CAPZB: variants seen among roughly 807,000 people sequenced by gnomAD.
CAPZB encodes the protein capping actin protein of muscle Z-line subunit beta, also known as F-actin-capping protein subunit beta.
CAPZB carries 2 observed loss-of-function variants against 38.1 expected under a neutral mutation model. That is an observed-to-expected ratio of 0.05 (90% CI 0.02 to 0.17). The LOEUF is 0.17. CAPZB is among the 10% of genes least tolerant of loss of function. CAPZB has a pLI of 1.00. For synonymous variants in CAPZB, 107 were observed against 127.4 expected (o/e 0.84, Z 1.08); for missense variants, 161 against 334.2 (o/e 0.48, Z 4.04).
intron 1 of CAPZB, among the ~76,000 whole-genome samples, chr1:19,452,793 C>CTTTTTTT (rs34430556): frequency 3.4e-5 from 4 of 118,430 alleles, no homozygotes; most frequent in Non-Finnish European, 6.9e-5. Flanking sequence ...TAATTTCTTT[C>CTTTTTTT]TTTTTTTTTT....
At chr1:19,378,739 T>C in intron 3 of CAPZB, 86 bp from the exon 4 acceptor site, 1 of 748,680 alleles carries the variant, frequency 1.3e-6, no homozygotes, top group Non-Finnish European at 2.3e-6. Context: ...CCTGGCTATC[T>C]GAAATCTCGG....
At chr1:19,440,870 C>T (rs928223244) in intron 1 of CAPZB, among the ~76,000 whole-genome samples, 4 of 152,280 alleles carry the variant, frequency 2.6e-5, no homozygotes, top group Admixed American at 1.3e-4. Context: ...ACCACCTTGG[C>T]TAACATGGTG....
At chr1:19,373,209 G>T (rs1017211139) in intron 4 of CAPZB, among the ~76,000 whole-genome samples, 2 of 152,116 alleles carry the variant, frequency 1.3e-5, no homozygotes, top group African/African-American at 4.8e-5. Context: ...GGACTTCAGA[G>T]GGAGCCGTGA....
chr1:19,349,793 G>C (rs955007474), intron 6 of CAPZB, among the ~76,000 whole-genome samples: 1 of 152,062 alleles, frequency 6.6e-6, no homozygotes, highest in Non-Finnish European at 1.5e-5. Flanking sequence ...AAGGAGAAAG[G>C]TGCTTGGGGA....
chr1:19,366,222 G>T (rs1442499019), intron 4 of CAPZB, among the ~76,000 whole-genome samples: 1 of 149,462 alleles, frequency 6.7e-6, no homozygotes, highest in Non-Finnish European at 1.5e-5. Context: ...CAAGGTGGGG[G>T]GATCACTTGA....
At chr1:19,361,242 C>T (rs214303) in intron 4 of CAPZB, among the ~76,000 whole-genome samples, 68,953 of 152,106 alleles carry the variant, frequency 0.45, 15,905 homozygotes, top group East Asian at 0.56. Context: ...TCTCTCACTT[C>T]GAATCTGTTC....
intron 1 of CAPZB, among the ~76,000 whole-genome samples, chr1:19,483,148 C>G (rs1352568560): frequency 6.6e-6 from 1 of 152,206 alleles, no homozygotes; most frequent in Non-Finnish European, 1.5e-5. Flanking sequence ...CACCATACAG[C>G]TATTTCACTA....
At chr1:19,449,181 T>C in intron 1 of CAPZB, 1 of 1,255,280 alleles carries the variant, frequency 8.0e-7, no homozygotes, top group Non-Finnish European at 1.0e-6. Flanking sequence ...CACTGCGGTG[T>C]CTCTGAGCAG....
At chr1:19,352,766 C>T (rs1415510651) in intron 6 of CAPZB, among the ~76,000 whole-genome samples, 1 of 152,236 alleles carries the variant, frequency 6.6e-6, no homozygotes, top group African/African-American at 2.4e-5. Flanking sequence ...CAGTTGACGT[C>T]CCTGAGAAAC....
intron 2 of CAPZB, among the ~76,000 whole-genome samples, chr1:19,416,860 CAAAAAAAAAAA>C (rs59789230): frequency 4.2e-4 from 29 of 69,438 alleles, no homozygotes; most frequent in Admixed American, 5.5e-4. Context: ...GACCCTGTCT[CAAAAAAAAAAA>C]AAAAAAAAAA....
At chr1:19,388,794 G>C (rs2094216974) in intron 2 of CAPZB, among the ~76,000 whole-genome samples, 1 of 152,252 alleles carries the variant, frequency 6.6e-6, no homozygotes. Context: ...AAACACAGTA[G>C]ATGAGCTGCA....
chr1:19,411,076 G>T (rs952161805), intron 2 of CAPZB, among the ~76,000 whole-genome samples: 2 of 152,162 alleles, frequency 1.3e-5, no homozygotes, highest in African/African-American at 2.4e-5. Context: ...AGGCACAGTG[G>T]CTCACACCTA....
intron 2 of CAPZB, among the ~76,000 whole-genome samples, chr1:19,406,463 C>A (rs1570163774): frequency 6.6e-6 from 1 of 152,170 alleles, no homozygotes; most frequent in South Asian, 2.1e-4. Flanking sequence ...ACTACGGAGA[C>A]TGAGTAACTT....
chr1:19,415,854 A>C (rs1161038178), intron 2 of CAPZB, among the ~76,000 whole-genome samples: 1 of 152,270 alleles, frequency 6.6e-6, no homozygotes, highest in Non-Finnish European at 1.5e-5. Flanking sequence ...ATGTCAATAT[A>C]GTTTTAATGA....
At chr1:19,388,436 C>T (rs1414757779) in intron 2 of CAPZB, among the ~76,000 whole-genome samples, 2 of 152,044 alleles carry the variant, frequency 1.3e-5, no homozygotes, top group African/African-American at 4.8e-5. Flanking sequence ...CAACACGGAG[C>T]CTCCCAAACT....
At chr1:19,381,684 ATTTTTTTTTTT>A (rs869210528) in intron 3 of CAPZB, among the ~76,000 whole-genome samples, 5 of 84,532 alleles carry the variant, frequency 5.9e-5, no homozygotes, top group South Asian at 4.6e-4. Flanking sequence ...TGCCCAGCTA[ATTTTTTTTTTT>A]TTTTTTTTTT....
chr1:19,368,662 CTTTTTTT>C (rs55649494), intron 4 of CAPZB, among the ~76,000 whole-genome samples: 63 of 132,380 alleles, frequency 4.8e-4, no homozygotes, highest in African/African-American at 1.7e-3. Context: ...GCAAGAATGC[CTTTTTTT>C]TTTTTTTTTT....
intron 1 of CAPZB, among the ~76,000 whole-genome samples, chr1:19,471,281 G>A (rs1228765555): frequency 2.6e-5 from 4 of 152,044 alleles, no homozygotes; most frequent in Admixed American, 6.6e-5. Context: ...GTTCCAAAAC[G>A]AGGCCCATCA....
At chr1:19,410,652 G>A (rs115356548) in intron 2 of CAPZB, among the ~76,000 whole-genome samples, 1,601 of 152,332 alleles carry the variant, frequency 0.011, 32 homozygotes, top group East Asian at 0.099. Flanking sequence ...GCAGTGGCAG[G>A]AAGAGAAGTT....
Sources: gnomAD v4.1 joint callset for allele counts (sites outside exome capture counted in the v4.1 genomes callset) on GRCh38, gnomAD v4.1.1 for gene constraint, MANE v1.5 for transcripts, NCBI Gene and HGNC (gene_info 2026-07-23, HGNC 2026-07-21) for gene names.